Variants in CEP63 observed in about 807,000 individuals in gnomAD.
CEP63 encodes centrosomal protein 63, also known as centrosomal protein of 63 kDa.
A neutral mutation model predicts 89.1 loss-of-function variants in CEP63; 84 were observed. That is an observed-to-expected ratio of 0.94 (90% CI 0.79 to 1.13). CEP63 has a LOEUF of 1.13. Among genes scored for constraint, CEP63 ranks in the 50% most tolerant of loss-of-function variants. The pLI is 0.00. For missense variants in CEP63, 838 were observed against 813.3 expected, an observed-to-expected ratio of 1.03 and a Z score of -0.37; for synonymous variants, 267 against 272.5, an observed-to-expected ratio of 0.98 and a Z score of 0.20.
At chr3:134,497,040 T>C (rs993867720) in intron 2 of CEP63, among the ~76,000 whole-genome samples, 8 of 152,234 alleles carry the variant, frequency 5.3e-5, no homozygotes, top group Non-Finnish European at 1.0e-4. Context: ...GACCATTTTT[T>C]CATACACCTT....
chr3:134,626,145 A>T, the CEP63 span, among the ~76,000 whole-genome samples: 5 of 151,942 alleles, frequency 3.3e-5, no homozygotes, highest in African/African-American at 7.2e-5. Context: ...GGAAGACAGG[A>T]TGGGGGTGGG....
At chr3:134,572,457 C>A (rs1166335188) in intron 11 of CEP63, among the ~76,000 whole-genome samples, 1 of 152,082 alleles carries the variant, frequency 6.6e-6, no homozygotes, top group African/African-American at 2.4e-5. Flanking sequence ...ATCTTTATGT[C>A]CGTTACTACC....
the CEP63 span, among the ~76,000 whole-genome samples, chr3:134,653,144 G>A: frequency 6.6e-6 from 1 of 152,184 alleles, no homozygotes; most frequent in Non-Finnish European, 1.5e-5. Context: ...TCGGAGCAGG[G>A]CCTCTCATCC....
chr3:134,676,728 G>A, the CEP63 span, among the ~76,000 whole-genome samples: 1 of 152,140 alleles, frequency 6.6e-6, no homozygotes, highest in Non-Finnish European at 1.5e-5. Context: ...ATAATCAGTT[G>A]TGCCAGAAGT....
the CEP63 span, among the ~76,000 whole-genome samples, chr3:134,713,053 A>C: frequency 1.3e-5 from 2 of 152,214 alleles, no homozygotes; most frequent in Admixed American, 1.3e-4. Flanking sequence ...CACTCAGGAC[A>C]GGCATCTGTA....
the CEP63 span, among the ~76,000 whole-genome samples, chr3:134,610,899 G>A: frequency 6.6e-6 from 1 of 152,214 alleles, no homozygotes; most frequent in Non-Finnish European, 1.5e-5. Context: ...TGGGGTTGCT[G>A]GTTGTGAGGG....
chr3:134,487,782 T>C (rs182540093), intron 1 of CEP63, among the ~76,000 whole-genome samples: 1 of 152,356 alleles, frequency 6.6e-6, no homozygotes. Context: ...TAACGATTTC[T>C]TCAACTGTCT....
At chr3:134,590,747 T>C (rs4955512), downstream of CEP63, among the ~76,000 whole-genome samples, 150,380 of 152,330 alleles carry the variant, frequency 0.99, 74,230 homozygotes, top group Non-Finnish European at 1. Context: ...GCTTAGTTTT[T>C]TGCATACCTT....
chr3:134,584,786 C>G (rs889039680), intron 10 of CEP63, among the ~76,000 whole-genome samples: 1 of 151,988 alleles, frequency 6.6e-6, no homozygotes, highest in Non-Finnish European at 1.5e-5. Flanking sequence ...TGGTTGAATT[C>G]GGCTGTGAAT....
chr3:134,549,872 G>A (rs1954424507), intron 10 of CEP63, among the ~76,000 whole-genome samples, 191 bp from the exon 11 acceptor site: 1 of 152,186 alleles, frequency 6.6e-6, no homozygotes, highest in African/African-American at 2.4e-5. Context: ...ATAAATGATT[G>A]TAGGTATAAC....
chr3:134,669,853 A>C, the CEP63 span, among the ~76,000 whole-genome samples: 1 of 152,228 alleles, frequency 6.6e-6, no homozygotes, highest in African/African-American at 2.4e-5. Flanking sequence ...TATAGACTGA[A>C]TGTTTATATC....
the CEP63 span, among the ~76,000 whole-genome samples, chr3:134,618,495 T>A: frequency 6.6e-6 from 1 of 152,072 alleles, no homozygotes; most frequent in Non-Finnish European, 1.5e-5. Flanking sequence ...CCTCAGAGGG[T>A]AGGCTCAGGA....
At chr3:134,550,527 G>A (rs989684405) in intron 11 of CEP63, among the ~76,000 whole-genome samples, 16 of 152,184 alleles carry the variant, frequency 1.1e-4, no homozygotes, top group African/African-American at 3.9e-4. Context: ...CGCTGCAAAG[G>A]CCTTCCAGAA....
the CEP63 span, chr3:134,610,260 C>G: frequency 6.2e-7 from 1 of 1,613,944 alleles, no homozygotes; most frequent in African/African-American, 1.3e-5. Flanking sequence ...CCACCAGGTG[C>G]CATCTTCCCT....
In CEP63 at chr3:134,545,806, A is replaced by T. The variant is rs1953162559; in HGVS notation, c.776A>T (p.Glu259Val). ...AAAGAAGAAAAATTGAGGGAATCTG[A>T]AAAACTATTAGAGGTATGTTTTAAA... Reference protein sequence around the residue: ...QQKEEKLRESEKLLEALQEEK... With the variant: ...QQKEEKLRESVKLLEALQEEK... The change falls in exon 7 of 15, where the codon GAA becomes GTA. Residue 259 changes from glutamate to valine, a missense_variant. By Grantham distance (121) the Glu-to-Val change is moderately radical (BLOSUM62 -2). Transcript: ENST00000675561. The T allele has an allele frequency of 1.9e-6, 3 of 1,611,502 alleles. No homozygotes were observed.
the CEP63 span, among the ~76,000 whole-genome samples, chr3:134,626,078 G>A: frequency 3.3e-5 from 5 of 152,184 alleles, no homozygotes; most frequent in Non-Finnish European, 5.9e-5. Flanking sequence ...CTCTGGCAGA[G>A]CCTTTCTTAA....
intron 1 of CEP63, among the ~76,000 whole-genome samples, chr3:134,490,642 A>G (rs1937286351): frequency 1.7e-5 from 1 of 59,282 alleles, no homozygotes; most frequent in African/African-American, 5.3e-5. Context: ...AAACCTTAGC[A>G]TAATTCCCAT....
chr3:134,516,572 C>G (rs1436201632), intron 3 of CEP63, among the ~76,000 whole-genome samples: 1 of 152,192 alleles, frequency 6.6e-6, no homozygotes, highest in Non-Finnish European at 1.5e-5. Context: ...TGGACAATAC[C>G]TGGCTTTCCT....
chr3:134,680,178 C>T, the CEP63 span, among the ~76,000 whole-genome samples: 2 of 152,140 alleles, frequency 1.3e-5, no homozygotes, highest in Non-Finnish European at 2.9e-5. Context: ...TGATCTTGGA[C>T]TTTTAGCCTC....
Sources: allele counts gnomAD v4.1 joint callset (sites outside exome capture counted in the v4.1 genomes callset), GRCh38; gene constraint gnomAD v4.1.1; transcripts MANE v1.5; gene names NCBI Gene and HGNC (gene_info 2026-07-23, HGNC 2026-07-21).